Variants in SPATA6 observed in about 807,000 individuals in gnomAD.
SPATA6 encodes spermatogenesis associated 6.
A neutral mutation model predicts 65.3 loss-of-function variants in SPATA6; 56 were observed. That is an observed-to-expected ratio of 0.86 (90% confidence interval 0.69 to 1.07). The LOEUF (loss-of-function observed/expected upper bound fraction) is 1.07. Ranked by LOEUF, SPATA6 falls within the 50% of genes least tolerant of loss-of-function variation. SPATA6 has a pLI of 0.00. For synonymous variants in SPATA6, 199 were observed against 213.2 expected, an observed-to-expected ratio of 0.93 and a Z score of 0.58; for missense variants, 590 against 594.8, an observed-to-expected ratio of 0.99 and a Z score of 0.08.
intron 3 of SPATA6, among the ~76,000 whole-genome samples, chr1:48,438,723 G>A (rs1337081798): frequency 1.6e-4 from 24 of 152,038 alleles, no homozygotes; most frequent in Admixed American, 1.4e-3. Flanking sequence ...TCTTTTCTCC[G>A]AGACTAGTCC....
chr1:48,410,650 T>C (rs1652134041), intron 5 of SPATA6, among the ~76,000 whole-genome samples: 1 of 152,088 alleles, frequency 6.6e-6, no homozygotes, highest in African/African-American at 2.4e-5. Context: ...AAACTTACAA[T>C]CACAGTGGAA....
intron 12 of SPATA6, among the ~76,000 whole-genome samples, chr1:48,299,331 T>A (rs944044034): frequency 6.6e-6 from 1 of 151,454 alleles, no homozygotes; most frequent in African/African-American, 2.4e-5. Flanking sequence ...CAGACCAACA[T>A]GGAGAAACCC....
chr1:48,283,132 A>G, the SPATA6 span, among the ~76,000 whole-genome samples: 2 of 139,466 alleles, frequency 1.4e-5, no homozygotes, highest in Non-Finnish European at 3.0e-5. Flanking sequence ...GAATTGAACA[A>G]TGAGAACACA....
At chr1:48,362,982 G>A (rs1336437952) in intron 9 of SPATA6, among the ~76,000 whole-genome samples, 1 of 151,930 alleles carries the variant, frequency 6.6e-6, no homozygotes, top group African/African-American at 2.4e-5. Flanking sequence ...CAACAATCAC[G>A]GGTGTTAAAT....
downstream of SPATA6, among the ~76,000 whole-genome samples, chr1:48,291,011 C>A (rs374106573): frequency 2.0e-5 from 3 of 152,304 alleles, no homozygotes; most frequent in East Asian, 1.9e-4. Flanking sequence ...TAGACATCTA[C>A]AGAACTCTCC....
At chr1:48,324,842 T>G (rs1363508243) in intron 11 of SPATA6, among the ~76,000 whole-genome samples, 1 of 152,134 alleles carries the variant, frequency 6.6e-6, no homozygotes, top group Non-Finnish European at 1.5e-5. Flanking sequence ...AAGTCCTATC[T>G]GGAGCAATCA....
rs1478531354 is a variant in SPATA6, at chr1:48,413,439, G to A, written c.239-288C>T. Reference sequence around the variant, plus strand: ...CGAGTAGCTGGGACTACAGGTATGCGCCACCACGCCCGGATACTTTTTTTT... The same window carrying A: ...CGAGTAGCTGGGACTACAGGTATGCACCACCACGCCCGGATACTTTTTTTT... On this transcript the variant is annotated intron_variant, in intron 3 of 12. Coordinates refer to ENST00000371847, the MANE Select transcript of SPATA6 (RefSeq NM_019073.4). Among the ~76,000 whole-genome samples, 12 of 145,206 alleles carry A rather than the reference G, an allele frequency of 8.3e-5. No homozygotes were observed. The South Asian group carries it at 1.5e-3, about 19-fold the overall frequency.
the SPATA6 span, among the ~76,000 whole-genome samples, chr1:48,274,114 CAT>C: frequency 3.3e-5 from 5 of 152,088 alleles, no homozygotes; most frequent in Admixed American, 1.3e-4. Context: ...AGCTTTTTTT[CAT>C]ATGTTTGTTG....
At chr1:48,360,195 A>T (rs1303790214) in intron 9 of SPATA6, among the ~76,000 whole-genome samples, 1 of 152,174 alleles carries the variant, frequency 6.6e-6, no homozygotes, top group Non-Finnish European at 1.5e-5. Flanking sequence ...CACATGAACA[A>T]ATCAGAAAAG....
chr1:48,338,650 G>A (rs1187274283), intron 11 of SPATA6, among the ~76,000 whole-genome samples: 1 of 152,008 alleles, frequency 6.6e-6, no homozygotes, highest in Non-Finnish European at 1.5e-5. Context: ...CTTTTTTGGT[G>A]TGAGAATCAC....
At chr1:48,452,047 T>A (rs1410034287) in intron 2 of SPATA6, among the ~76,000 whole-genome samples, 2 of 152,202 alleles carry the variant, frequency 1.3e-5, no homozygotes, top group African/African-American at 4.8e-5. Context: ...CCGCCCATTA[T>A]TCTCTTCATG....
intron 1 of SPATA6, among the ~76,000 whole-genome samples, chr1:48,455,979 C>G (rs1656971177): frequency 6.6e-6 from 1 of 152,146 alleles, no homozygotes; most frequent in Admixed American, 6.5e-5. Context: ...AGGTGGTTGA[C>G]TTAAATCACC....
At chr1:48,418,879 A>G (rs1041731592) in intron 3 of SPATA6, among the ~76,000 whole-genome samples, 1 of 151,120 alleles carries the variant, frequency 6.6e-6, no homozygotes, top group Non-Finnish European at 1.5e-5. Flanking sequence ...GGGAGGAAGG[A>G]AAAGGAGAGA....
chr1:48,433,331 A>T (rs1654580675), intron 3 of SPATA6, among the ~76,000 whole-genome samples: 1 of 152,120 alleles, frequency 6.6e-6, no homozygotes, highest in Admixed American at 6.5e-5. Context: ...AAGGAGAAAG[A>T]CTATAAATTA....
chr1:48,266,765 T>C, the SPATA6 span, among the ~76,000 whole-genome samples: 18 of 152,206 alleles, frequency 1.2e-4, no homozygotes, highest in Admixed American at 1.2e-3. Flanking sequence ...TTTGACTGTT[T>C]TTGTTTAAGA....
chr1:48,321,805 T>C (rs1301085653), intron 11 of SPATA6, among the ~76,000 whole-genome samples: 2 of 152,134 alleles, frequency 1.3e-5, no homozygotes, highest in African/African-American at 2.4e-5. Context: ...AATTATATCA[T>C]GTGTCTTCTC....
At chr1:48,414,894 C>G (rs1171095945) in intron 3 of SPATA6, among the ~76,000 whole-genome samples, 1 of 151,824 alleles carries the variant, frequency 6.6e-6, no homozygotes, top group East Asian at 1.9e-4. Context: ...ATTACTAAAT[C>G]ATGAATTTTG....
intron 2 of SPATA6, among the ~76,000 whole-genome samples, chr1:48,452,491 CT>C (rs1446818965): frequency 6.6e-6 from 1 of 151,762 alleles, no homozygotes; most frequent in Admixed American, 6.6e-5. Flanking sequence ...TCAAGCAATT[CT>C]CCTGCCTCAG....
chr1:48,349,943 G>A (rs566090473), intron 11 of SPATA6, among the ~76,000 whole-genome samples: 3 of 152,008 alleles, frequency 2.0e-5, no homozygotes, highest in East Asian at 3.9e-4. Flanking sequence ...AAATTTTGGT[G>A]TGAACATAAA....
Sources: allele counts gnomAD v4.1 joint callset (sites outside exome capture counted in the v4.1 genomes callset), GRCh38; gene constraint gnomAD v4.1.1; transcripts MANE v1.5; gene names NCBI Gene and HGNC (gene_info 2026-07-23, HGNC 2026-07-21).